STAT2: variants seen among roughly 807,000 people sequenced by gnomAD.
STAT2 encodes signal transducer and activator of transcription 2, also known as interferon alpha induced transcriptional activator.
STAT2 carries 51 observed loss-of-function variants against 122.3 expected under a neutral mutation model. The observed-to-expected ratio is 0.42, with a 90% CI of 0.33 to 0.53. The LOEUF (loss-of-function observed/expected upper bound fraction) is 0.53, where lower values mean the gene tolerates loss of function less well. Among genes scored for constraint, STAT2 ranks in the 20% least tolerant of loss-of-function variants. The probability of loss-of-function intolerance (pLI) is 0.10; values close to 1 mark genes in which losing one functional copy is unlikely to be tolerated. For synonymous variants in STAT2, 351 were observed against 394.9 expected (o/e 0.89, Z 1.32); for missense variants, 736 against 1,010.3 (o/e 0.73, Z 3.68).
chr12:56,350,967 G>C, intron 10 of STAT2, 79 bp from the exon 11 acceptor site: 1 of 1,585,614 alleles, frequency 6.3e-7, no homozygotes, highest in African/African-American at 1.3e-5. Context: ...AAAGAGAAGA[G>C]GGATTATAAG....
In STAT2 at chr12:56,344,092, G is replaced by A; in HGVS notation, c.2146C>T (p.Pro716Ser). The change falls in exon 23 of 24, where the codon CCA becomes TCA. Residue 716 changes from proline (P) to serine (S), a missense_variant. By Grantham distance (74) the Pro-to-Ser change is moderately conservative (BLOSUM62 -1). Transcript: ENST00000314128. ...LQQPLELKPE[P>S]ELESLELELG... ...TCCAGCTCTAATGACTCCAGCTCTGGCTCTGGCTTAAGCTCCAGCGGTTGT... is the reference window on the plus strand; with the variant it reads ...TCCAGCTCTAATGACTCCAGCTCTGACTCTGGCTTAAGCTCCAGCGGTTGT... The A allele has an allele frequency of 1.3e-6, 2 of 1,582,734 alleles. No individual in the cohort carries two copies. The highest frequency in any genetic ancestry group is 1.7e-6 in the Non-Finnish European group (2 of 1,163,094).
intron 1 of STAT2, among the ~76,000 whole-genome samples, chr12:56,358,442 C>T (rs1340691270): frequency 2.0e-5 from 3 of 152,006 alleles, no homozygotes; most frequent in Non-Finnish European, 4.4e-5. Context: ...GATGGGGTTT[C>T]ACCATATTGT....
chr12:56,354,383 A>C, intron 8 of STAT2, 83 bp downstream of exon 8: 1 of 1,587,602 alleles, frequency 6.3e-7, no homozygotes, highest in Non-Finnish European at 8.6e-7. Flanking sequence ...AATAGAGAAC[A>C]GTATCTCTTG....
In STAT2 at chr12:56,343,420, G is replaced by C. The variant is rs1356843849; in HGVS notation, c.2525C>G (p.Thr842Ser). The part of the protein sequence containing the change: ...VYVSRPSHFY[T>S]DGPLMPSDF Reference sequence around the variant, plus strand: ...GTCAGAAGGCATCAAGGGTCCATCAGTGTAGAAGTGGCTGGGGCGGGAGAC... The same window carrying C: ...GTCAGAAGGCATCAAGGGTCCATCACTGTAGAAGTGGCTGGGGCGGGAGAC... Residue 842 changes from threonine to serine, a missense_variant, in exon 24 of 24, where the codon ACT (threonine) becomes AGT (serine). Thr to Ser is a moderately conservative substitution (Grantham distance 58, BLOSUM62 1). Transcript: ENST00000314128. 4 of 1,614,234 alleles carry C rather than the reference G, an allele frequency of 2.5e-6. No homozygotes were observed. The Admixed American group carries it at 6.7e-5, about 27-fold the overall frequency.
At position 56,354,465 on chromosome 12, in the gene STAT2, C is replaced by T; in HGVS notation, c.782+1G>A. 1 of 1,614,150 alleles carries T rather than the reference C, an allele frequency of 6.2e-7. No individual in the cohort carries two copies. Among genetic ancestry groups the T allele is most frequent in the Non-Finnish European group, 8.5e-7 (1 of 1,180,034 alleles). On this transcript the variant is annotated splice_donor_variant, in intron 8 of 23. Coordinates refer to ENST00000314128, the MANE Select transcript of STAT2 (RefSeq NM_005419.4). LOFTEE classifies it high-confidence loss of function. ...ACGAGGGTTGGGGTGGTACCTCTCA[C>T]CATGTCTCCAGCTGTTCCAACCCGT...
intron 3 of STAT2, 105 bp downstream of exon 3, chr12:56,356,027 T>C: frequency 2.0e-6 from 3 of 1,490,200 alleles, no homozygotes; most frequent in Non-Finnish European, 2.7e-6. Context: ...CCCACATTTG[T>C]TCCCGTCTCC....
chr12:56,349,922 G>T, intron 13 of STAT2, 175 bp downstream of exon 13: 2 of 668,060 alleles, frequency 3.0e-6, no homozygotes, highest in South Asian at 3.6e-5. Flanking sequence ...GGTGGTGTGT[G>T]CCTATAGTCT....
chr12:56,346,695 G>A, intron 20 of STAT2, 71 bp from the exon 21 acceptor site: 3 of 1,601,866 alleles, frequency 1.9e-6, no homozygotes, highest in Non-Finnish European at 2.6e-6. Context: ...TGCTCTGGCT[G>A]CCCAGTCCCA....
chr12:56,358,624 G>A (rs1430706677), intron 1 of STAT2, among the ~76,000 whole-genome samples: 4 of 152,172 alleles, frequency 2.6e-5, no homozygotes, highest in African/African-American at 9.7e-5. Context: ...ATATAGGAAG[G>A]AGGAGCTCCA....
Position 56,342,813 on chromosome 12 carries a change from T to C in STAT2, c.*576A>G, listed in dbSNP as rs1257524713. On this transcript the variant is annotated 3_prime_UTR_variant, in exon 24 of 24. Transcript: ENST00000314128. ...GAAAAAGAGGTCTACTTCCTATCCATCCCTTTCTTCAGGGTAGAGTTTCAC... is the reference window on the plus strand; with the variant it reads ...GAAAAAGAGGTCTACTTCCTATCCACCCCTTTCTTCAGGGTAGAGTTTCAC... The C allele has an allele frequency of 6.6e-6, 1 of 152,144 alleles. No individual in the cohort carries two copies. Among genetic ancestry groups the C allele is most frequent in the Non-Finnish European group, 1.5e-5 (1 of 68,062 alleles). 9.4% of individuals were successfully genotyped at this position (152,144 alleles called of 1,614,324 possible).
At chr12:56,347,848 G>C (rs920905076) in intron 19 of STAT2, among the ~76,000 whole-genome samples, 8 of 152,184 alleles carry the variant, frequency 5.3e-5, no homozygotes, top group African/African-American at 1.9e-4. Context: ...TTGGTAGGCA[G>C]TGTGGTGGAA....
intron 22 of STAT2, 119 bp from the exon 23 acceptor site, chr12:56,344,254 G>A (rs1238063605): frequency 5.0e-6 from 7 of 1,388,678 alleles, no homozygotes; most frequent in Admixed American, 2.8e-5. Context: ...AAGAGCATGG[G>A]TTTGGAATCA....
rs755127513 is a variant in STAT2 at position 56,343,454 on chromosome 12, C to T, written c.2491G>A (p.Glu831Lys). The T allele has an allele frequency of 6.2e-7, 1 of 1,614,176 alleles. No individual in the cohort carries two copies. Among genetic ancestry groups the T allele is most frequent in the Non-Finnish European group, 8.5e-7 (1 of 1,180,018 alleles). ...PLLAGQNTVD[E>K]VYVSRPSHFY... ...TGGCTGGGGCGGGAGACGTAAACCT[C>T]ATCCACGGTGTTCTGGCCAGCCAAC... The change falls in exon 24 of 24, where the codon GAG becomes AAG. Residue 831 changes from glutamate to lysine, a missense_variant. Glu to Lys is a moderately conservative substitution (Grantham distance 56). Transcript: ENST00000314128.
chr12:56,354,367 G>C, intron 8 of STAT2, 99 bp downstream of exon 8: 1 of 1,557,510 alleles, frequency 6.4e-7, no homozygotes, highest in Admixed American at 1.7e-5. Context: ...CTGGGGAGCA[G>C]AGACAAATAG....
At chr12:56,346,013 G>A in intron 22 of STAT2, 133 bp downstream of exon 22, 1 of 1,577,276 alleles carries the variant, frequency 6.3e-7, no homozygotes, top group Non-Finnish European at 8.6e-7. Flanking sequence ...GAGAGGCTGT[G>A]GGAATGGCAG....
intron 8 of STAT2, chr12:56,352,371 T>TTTTTTG (rs1565655623): frequency 9.1e-4 from 26 of 28,486 alleles, no homozygotes; most frequent in Non-Finnish European, 1.3e-3. Flanking sequence ...TTTTTTTTTT[T>TTTTTTG]GGTGGGGGTG....
At chr12:56,345,170 C>T (rs146618442) in intron 22 of STAT2, among the ~76,000 whole-genome samples, 1 of 67,632 alleles carries the variant, frequency 1.5e-5, no homozygotes, top group Non-Finnish European at 2.7e-5. Flanking sequence ...GTGAGACTGT[C>T]TCAAAAAAAA....
At chr12:56,346,294 A>C in intron 21 of STAT2, 91 bp from the exon 22 acceptor site, 1 of 1,570,354 alleles carries the variant, frequency 6.4e-7, no homozygotes, top group Non-Finnish European at 8.7e-7. Flanking sequence ...TGGCAGTCTC[A>C]TCCCCATAGT....
rs1175936785 is a variant in STAT2 at position 56,350,085 on chromosome 12, A to G, written c.1209+12T>C. On this transcript the variant is annotated intron_variant, in intron 13 of 23. Coordinates refer to ENST00000314128, the MANE Select transcript of STAT2 (RefSeq NM_005419.4). ...AATAGTAATAAAAGCATAGGTCACAAACTATTCTTACCAGGTAACCAAAGT... is the reference window on the plus strand; with the variant it reads ...AATAGTAATAAAAGCATAGGTCACAGACTATTCTTACCAGGTAACCAAAGT... The G allele has an allele frequency of 6.2e-7, 1 of 1,602,210 alleles. No homozygotes were observed. Among genetic ancestry groups the G allele is most frequent in the South Asian group, 1.1e-5 (1 of 90,848 alleles).
Sources: allele counts gnomAD v4.1 joint callset (sites outside exome capture counted in the v4.1 genomes callset), GRCh38; gene constraint gnomAD v4.1.1; transcripts MANE v1.5; gene names NCBI Gene and HGNC (gene_info 2026-07-23, HGNC 2026-07-21).